Variants in SIPA1L1 observed in about 807,000 individuals in gnomAD.
SIPA1L1 encodes the protein signal induced proliferation associated 1 like 1, also known as signal-induced proliferation-associated 1-like protein 1.
Under a neutral mutation model 162.7 loss-of-function variants are expected in SIPA1L1, and 26 were observed. The ratio of observed to expected loss-of-function variants is 0.16; its 90% CI spans 0.12 to 0.22. SIPA1L1 has a LOEUF of 0.22. Among genes scored for constraint, SIPA1L1 ranks in the 10% least tolerant of loss-of-function variants. The pLI is 1.00. For missense variants in SIPA1L1, 1,874 were observed against 2,241.0 expected, an observed-to-expected ratio of 0.84 and a Z score of 3.31; for synonymous variants, 829 against 837.4, an observed-to-expected ratio of 0.99 and a Z score of 0.17.
intron 2 of SIPA1L1, among the ~76,000 whole-genome samples, chr14:71,324,440 T>TC (rs1408798777): frequency 6.6e-6 from 1 of 152,020 alleles, no homozygotes; most frequent in Non-Finnish European, 1.5e-5. Context: ...TACTACTTTC[T>TC]CCCCCCACTT....
At chr14:71,410,273 T>C (rs1306090917) in intron 2 of SIPA1L1, among the ~76,000 whole-genome samples, 1 of 152,204 alleles carries the variant, frequency 6.6e-6, no homozygotes, top group African/African-American at 2.4e-5. Context: ...ACTAAGCATA[T>C]TTCAGTAGGC....
chr14:71,706,696 T>C (rs8015004), intron 16 of SIPA1L1, among the ~76,000 whole-genome samples: 103,754 of 152,040 alleles, frequency 0.68, 36,953 homozygotes, highest in East Asian at 0.95. Context: ...ATAAAGTAAG[T>C]GGGATTGATT....
chr14:71,437,102 T>C (rs908888881), intron 2 of SIPA1L1, among the ~76,000 whole-genome samples: 4 of 152,138 alleles, frequency 2.6e-5, no homozygotes, highest in South Asian at 4.1e-4. Flanking sequence ...GATAATCTTA[T>C]TGGGATTGCG....
intron 2 of SIPA1L1, among the ~76,000 whole-genome samples, chr14:71,393,444 C>G (rs2040928563): frequency 6.6e-6 from 1 of 152,126 alleles, no homozygotes; most frequent in African/African-American, 2.4e-5. Flanking sequence ...TGGTGTGGAG[C>G]TCATAGTTTG....
intron 4 of SIPA1L1, among the ~76,000 whole-genome samples, chr14:71,533,153 A>AT: frequency 1.3e-5 from 2 of 152,266 alleles, no homozygotes; most frequent in Middle Eastern, 3.4e-3. Context: ...GGTGAAAGTC[A>AT]TTTTTTTGGT....
chr14:71,704,181 TG>T (rs1252401282), intron 15 of SIPA1L1, among the ~76,000 whole-genome samples: 1 of 152,138 alleles, frequency 6.6e-6, no homozygotes, highest in African/African-American at 2.4e-5. Flanking sequence ...CTTTCCTAAC[TG>T]GCACATCAGA....
intron 4 of SIPA1L1, among the ~76,000 whole-genome samples, chr14:71,556,105 G>C (rs1030181874): frequency 1.3e-5 from 2 of 152,028 alleles, no homozygotes; most frequent in African/African-American, 4.8e-5. Context: ...CCTTCAATTT[G>C]TAAAAAAAAC....
chr14:71,574,100 A>AT, intron 4 of SIPA1L1: 1 of 195,700 alleles, frequency 5.1e-6, no homozygotes, highest in South Asian at 7.7e-5. Context: ...AAAAATCTTG[A>AT]TTTTTAACCA....
At chr14:71,382,763 A>G (rs1196528442) in intron 2 of SIPA1L1, among the ~76,000 whole-genome samples, 2 of 152,168 alleles carry the variant, frequency 1.3e-5, no homozygotes, top group Non-Finnish European at 2.9e-5. Context: ...GTTCAACAGC[A>G]AATATTGAGT....
chr14:71,491,146 A>G (rs1198655091), intron 2 of SIPA1L1, among the ~76,000 whole-genome samples: 2 of 152,180 alleles, frequency 1.3e-5, no homozygotes, highest in African/African-American at 4.8e-5. Context: ...AACTCATTGG[A>G]AAGGAAATGT....
chr14:71,365,552 T>A (rs770423142), intron 2 of SIPA1L1, among the ~76,000 whole-genome samples: 1 of 152,142 alleles, frequency 6.6e-6, no homozygotes, highest in Non-Finnish European at 1.5e-5. Context: ...TCAGCTTCTC[T>A]CTATCCCAGT....
chr14:71,343,808 A>T (rs1256842525), intron 2 of SIPA1L1, among the ~76,000 whole-genome samples: 1 of 152,220 alleles, frequency 6.6e-6, no homozygotes, highest in Non-Finnish European at 1.5e-5. Flanking sequence ...GGAAGAAAGT[A>T]TCAGGGAACA....
At chr14:71,654,611 TA>T (rs879851013) in intron 8 of SIPA1L1, among the ~76,000 whole-genome samples, 2 of 152,188 alleles carry the variant, frequency 1.3e-5, no homozygotes, top group African/African-American at 2.4e-5. Context: ...TTCAAGATCT[TA>T]AAAGAGATAT....
chr14:71,575,565 G>A (rs1035789054), intron 4 of SIPA1L1, among the ~76,000 whole-genome samples: 1 of 152,188 alleles, frequency 6.6e-6, no homozygotes, highest in Admixed American at 6.5e-5. Context: ...TAATTTGATG[G>A]TAATTGTTTT....
At chr14:71,704,320 T>G (rs2082291936) in intron 15 of SIPA1L1, among the ~76,000 whole-genome samples, 1 of 152,330 alleles carries the variant, frequency 6.6e-6, no homozygotes, top group Non-Finnish European at 1.5e-5. Context: ...ACTCAGTTTA[T>G]AAGAACAGCA....
intron 3 of SIPA1L1, among the ~76,000 whole-genome samples, chr14:71,527,358 G>A (rs982555885): frequency 6.6e-6 from 1 of 151,886 alleles, no homozygotes; most frequent in African/African-American, 2.4e-5. Flanking sequence ...CAAGGAAGAT[G>A]TTGAATTTTT....
At chr14:71,625,148 C>A (rs1208826825) in intron 7 of SIPA1L1, among the ~76,000 whole-genome samples, 1 of 151,834 alleles carries the variant, frequency 6.6e-6, no homozygotes, top group Non-Finnish European at 1.5e-5. Flanking sequence ...CATTTTGTGA[C>A]CAGATTTGGA....
chr14:71,737,650 A>G (rs2085422720), intron 22 of SIPA1L1, among the ~76,000 whole-genome samples: 1 of 152,210 alleles, frequency 6.6e-6, no homozygotes, highest in South Asian at 2.1e-4. Flanking sequence ...GAAAATGAGA[A>G]GAAAATGGTT....
intron 2 of SIPA1L1, among the ~76,000 whole-genome samples, chr14:71,349,385 C>G (rs1285474726): frequency 6.6e-6 from 1 of 152,124 alleles, no homozygotes; most frequent in Non-Finnish European, 1.5e-5. Flanking sequence ...GACCATGCTT[C>G]ACATAGAAGG....
Sources: gnomAD v4.1 joint callset for allele counts (sites outside exome capture counted in the v4.1 genomes callset) on GRCh38, gnomAD v4.1.1 for gene constraint, MANE v1.5 for transcripts, NCBI Gene and HGNC (gene_info 2026-07-23, HGNC 2026-07-21) for gene names.